The following TECRL variants were observed in gnomAD, a reference collection of about 807,000 sequenced individuals.
TECRL encodes the protein trans-2,3-enoyl-CoA reductase-like.
A neutral mutation model predicts 52.8 loss-of-function variants in TECRL; 63 were observed. That is an observed-to-expected ratio of 1.19 (90% CI 0.97 to 1.47). TECRL has a LOEUF of 1.47. Ranked by LOEUF, TECRL falls within the 40% of genes most tolerant of loss-of-function variation. The probability of loss-of-function intolerance (pLI) is 0.00; values close to 1 mark genes in which losing one functional copy is unlikely to be tolerated. For missense variants in TECRL, 482 were observed against 429.6 expected (o/e 1.12, Z -1.08); for synonymous variants, 164 against 141.9 (o/e 1.16, Z -1.10).
intron 4 of TECRL, among the ~76,000 whole-genome samples, chr4:64,315,852 C>T (rs1261162350): frequency 2.0e-5 from 3 of 151,900 alleles, no homozygotes; most frequent in Non-Finnish European, 2.9e-5. Flanking sequence ...AGTTATAATT[C>T]TGTCTTTTAG....
chr4:64,326,562 T>C (rs567636536), intron 3 of TECRL, among the ~76,000 whole-genome samples: 3 of 152,214 alleles, frequency 2.0e-5, no homozygotes, highest in East Asian at 3.9e-4. Context: ...TTTTTATACC[T>C]CTACTCCCAG....
intron 2 of TECRL, among the ~76,000 whole-genome samples, chr4:64,355,275 G>C (rs6847836): frequency 3.9e-5 from 6 of 151,938 alleles, no homozygotes; most frequent in African/African-American, 7.3e-5. Flanking sequence ...AAATTAAAAC[G>C]AAATTAGATG....
chr4:64,384,369 T>C (rs1190276756), intron 1 of TECRL, among the ~76,000 whole-genome samples: 1 of 152,114 alleles, frequency 6.6e-6, no homozygotes, highest in African/African-American at 2.4e-5. Context: ...GGCAACTGGA[T>C]GAATGGGCCA....
chr4:64,310,574 GAT>G (rs1724616810), intron 5 of TECRL, among the ~76,000 whole-genome samples: 3 of 151,968 alleles, frequency 2.0e-5, no homozygotes, highest in Non-Finnish European at 2.9e-5. Flanking sequence ...AAATGTGATT[GAT>G]TTACAGCAGT....
At chr4:64,330,314 T>A (rs1346471204) in intron 2 of TECRL, among the ~76,000 whole-genome samples, 1 of 152,058 alleles carries the variant, frequency 6.6e-6, no homozygotes, top group East Asian at 1.9e-4. Flanking sequence ...CTTACAAAAC[T>A]CCTGTTTGGA....
At chr4:64,362,766 T>G (rs886877427) in intron 2 of TECRL, among the ~76,000 whole-genome samples, 3 of 152,076 alleles carry the variant, frequency 2.0e-5, no homozygotes, top group Admixed American at 2.0e-4. Flanking sequence ...CATAGTACAT[T>G]GACTCTAAAA....
At chr4:64,369,582 T>C (rs1721845290) in intron 2 of TECRL, among the ~76,000 whole-genome samples, 1 of 152,020 alleles carries the variant, frequency 6.6e-6, no homozygotes, top group Non-Finnish European at 1.5e-5. Context: ...ATAGAGGGAA[T>C]GGAGGTTAGT....
chr4:64,377,404 C>T (rs575671894), intron 1 of TECRL, among the ~76,000 whole-genome samples: 32 of 152,070 alleles, frequency 2.1e-4, no homozygotes, highest in African/African-American at 7.2e-4. Flanking sequence ...AAATTGATGT[C>T]TCAGTGGCTT....
At chr4:64,397,318 A>T (rs1724023869) in intron 1 of TECRL, among the ~76,000 whole-genome samples, 1 of 151,918 alleles carries the variant, frequency 6.6e-6, no homozygotes, top group South Asian at 2.1e-4. Context: ...TGGATATATA[A>T]GTTTGCCTAA....
intron 1 of TECRL, among the ~76,000 whole-genome samples, chr4:64,386,429 G>C (rs1306386325): frequency 3.3e-5 from 5 of 152,040 alleles, no homozygotes; most frequent in Admixed American, 2.6e-4. Flanking sequence ...CTCAGGGGTG[G>C]TAGAGGTGGA....
At chr4:64,314,539 C>A in intron 5 of TECRL, 109 bp downstream of exon 5, 3 of 802,816 alleles carry the variant, frequency 3.7e-6, no homozygotes, top group Non-Finnish European at 6.1e-6. Flanking sequence ...TAGTAACAAC[C>A]TTTATTAATA....
chr4:64,282,204 C>T (rs2109926794), intron 9 of TECRL, among the ~76,000 whole-genome samples: 1 of 151,944 alleles, frequency 6.6e-6, no homozygotes, highest in South Asian at 2.1e-4. Context: ...TTATTTTCCC[C>T]TTTCACTTGT....
rs78574916 is a variant in TECRL, at chr4:64,355,340, G to A, written c.286+19832C>T. 1.4e-4 allele frequency among the ~76,000 whole-genome samples: 21 copies of A among 151,776 alleles called. No homozygotes were observed. The South Asian group carries it at 2.3e-3, about 17-fold the overall frequency. ...TGTACATTTCACCCTAAAAACATTC[G>A]GTCAACATGAAGATGTTGCTATGGA... is the stretch of plus-strand genomic sequence containing the variant. On this transcript the variant is annotated intron_variant, in intron 2 of 11. Transcript: ENST00000381210.
intron 1 of TECRL, among the ~76,000 whole-genome samples, chr4:64,401,644 A>G (rs1213842409): frequency 2.0e-5 from 3 of 152,202 alleles, no homozygotes; most frequent in Non-Finnish European, 4.4e-5. Context: ...AAGGTTAGCA[A>G]ATACATTTCA....
intron 2 of TECRL, among the ~76,000 whole-genome samples, chr4:64,346,492 GC>G (rs1299828825): frequency 1.3e-5 from 2 of 152,238 alleles, no homozygotes; most frequent in African/African-American, 4.8e-5. Flanking sequence ...CTGTGTACCT[GC>G]AGGCTCAACA....
chr4:64,385,209 GCC>G (rs202111467), intron 1 of TECRL, among the ~76,000 whole-genome samples: 1,873 of 152,242 alleles, frequency 0.012, 45 homozygotes, highest in African/African-American at 0.042. Flanking sequence ...GCTGTGGCAG[GCC>G]AGGTGGATTG....
At chr4:64,277,637 A>G, downstream of TECRL, 1 of 151,850 alleles carries the variant, frequency 6.6e-6, no homozygotes, top group Non-Finnish European at 1.5e-5. Context: ...TCACATATAT[A>G]TAGTTGTATA....
At chr4:64,323,496 G>C (rs962423401) in intron 3 of TECRL, among the ~76,000 whole-genome samples, 1 of 152,102 alleles carries the variant, frequency 6.6e-6, no homozygotes, top group African/African-American at 2.4e-5. Context: ...ATAAATTAGT[G>C]GTGGATAGAT....
downstream of TECRL, chr4:64,276,888 C>T (rs1722593160): frequency 6.1e-6 from 3 of 493,886 alleles, no homozygotes; most frequent in Non-Finnish European, 1.1e-5. Context: ...TGTGTACATA[C>T]TTATGTATAG....
Sources: gnomAD v4.1 joint callset for allele counts (sites outside exome capture counted in the v4.1 genomes callset) on GRCh38, gnomAD v4.1.1 for gene constraint, MANE v1.5 for transcripts, NCBI Gene and HGNC (gene_info 2026-07-23, HGNC 2026-07-21) for gene names.